RNF180: variants seen among roughly 807,000 people sequenced by gnomAD.
RNF180 encodes ring finger protein 180.
Under a neutral mutation model 59.2 loss-of-function variants are expected in RNF180, and 38 were observed. That is an observed-to-expected ratio of 0.64 (90% CI 0.50 to 0.84). RNF180 has a LOEUF of 0.84. RNF180 is among the 40% of genes least tolerant of loss of function. The probability of loss-of-function intolerance (pLI) is 0.00; values close to 1 mark genes in which losing one functional copy is unlikely to be tolerated. For synonymous variants in RNF180, 262 were observed against 240.3 expected, an observed-to-expected ratio of 1.09 and a Z score of -0.84; for missense variants, 705 against 700.9, an observed-to-expected ratio of 1.01 and a Z score of -0.07.
At chr5:64,298,279 G>T (rs1276320908) in intron 5 of RNF180, among the ~76,000 whole-genome samples, 2 of 151,920 alleles carry the variant, frequency 1.3e-5, no homozygotes, top group Admixed American at 1.3e-4. Context: ...TCAAGTCCAT[G>T]TCTGCTATTA....
At chr5:64,225,196 T>C (rs1195480227) in intron 5 of RNF180, among the ~76,000 whole-genome samples, 2 of 152,236 alleles carry the variant, frequency 1.3e-5, no homozygotes, top group Non-Finnish European at 2.9e-5. Flanking sequence ...GCTAGCTGTG[T>C]TTGATGAATA....
intron 5 of RNF180, among the ~76,000 whole-genome samples, chr5:64,229,480 C>T (rs1391727086): frequency 6.6e-6 from 1 of 152,084 alleles, no homozygotes; most frequent in Non-Finnish European, 1.5e-5. Flanking sequence ...TAACCAAAAA[C>T]GTAAGAGATT....
At chr5:64,217,439 T>A in intron 5 of RNF180, 43 bp downstream of exon 5, 1 of 1,366,418 alleles carries the variant, frequency 7.3e-7, no homozygotes, top group Non-Finnish European at 9.4e-7. Context: ...CAAATTGTTT[T>A]CCAGAATGGC....
chr5:64,331,493 A>G (rs999750134), intron 7 of RNF180, among the ~76,000 whole-genome samples: 2 of 152,106 alleles, frequency 1.3e-5, no homozygotes, highest in East Asian at 1.9e-4. Context: ...CAGTGGGACA[A>G]CCTACCTGAC....
chr5:64,272,363 T>C (rs1056794239), intron 5 of RNF180, among the ~76,000 whole-genome samples: 2 of 151,860 alleles, frequency 1.3e-5, no homozygotes, highest in African/African-American at 4.8e-5. Context: ...AACAGACCAA[T>C]GTGTGCCAAG....
chr5:64,282,976 T>C (rs535075206), intron 5 of RNF180, among the ~76,000 whole-genome samples: 2 of 152,296 alleles, frequency 1.3e-5, no homozygotes, highest in Non-Finnish European at 2.9e-5. Flanking sequence ...TCATGTTCTG[T>C]TGTTTTGGGG....
At chr5:64,174,559 A>T (rs1295938602) in intron 1 of RNF180, among the ~76,000 whole-genome samples, 1 of 152,068 alleles carries the variant, frequency 6.6e-6, no homozygotes, top group Non-Finnish European at 1.5e-5. Context: ...TTTACCAAAC[A>T]GTTAGTGATC....
chr5:64,233,563 A>T (rs1742227166), intron 5 of RNF180, among the ~76,000 whole-genome samples: 1 of 152,226 alleles, frequency 6.6e-6, no homozygotes, highest in African/African-American at 2.4e-5. Context: ...TGTGCAAGCC[A>T]CTGAGAAGAA....
At chr5:64,200,761 T>C (rs1751699978) in intron 1 of RNF180, 47 bp from the exon 2 acceptor site, 3 of 1,551,644 alleles carry the variant, frequency 1.9e-6, no homozygotes, top group South Asian at 2.3e-5. Flanking sequence ...GAAAGTCCAG[T>C]TTATCTGACA....
chr5:64,337,260 C>T (rs1298928169), intron 7 of RNF180, among the ~76,000 whole-genome samples: 4 of 152,040 alleles, frequency 2.6e-5, no homozygotes, highest in African/African-American at 7.2e-5. Flanking sequence ...CCTCCTTCCT[C>T]GGCCTCCCAA....
chr5:64,313,393 A>G (rs1743875352), intron 5 of RNF180, among the ~76,000 whole-genome samples: 1 of 152,032 alleles, frequency 6.6e-6, no homozygotes, highest in African/African-American at 2.4e-5. Context: ...CCATTTTTAA[A>G]TGAGAACATG....
At chr5:64,286,458 A>G (rs1742290244) in intron 5 of RNF180, among the ~76,000 whole-genome samples, 1 of 152,230 alleles carries the variant, frequency 6.6e-6, no homozygotes, top group Non-Finnish European at 1.5e-5. Context: ...ACAATACAGA[A>G]AAGGGGTATA....
intron 7 of RNF180, among the ~76,000 whole-genome samples, chr5:64,360,799 C>T (rs1432933155): frequency 2.0e-5 from 3 of 151,690 alleles, no homozygotes; most frequent in African/African-American, 4.8e-5. Flanking sequence ...TTACTCACAG[C>T]GGTAGCCAGA....
chr5:64,183,148 T>TA (rs1413360606), intron 1 of RNF180, among the ~76,000 whole-genome samples: 1 of 152,110 alleles, frequency 6.6e-6, no homozygotes, highest in Non-Finnish European at 1.5e-5. Context: ...GACTAGAAAA[T>TA]AAGAACATCT....
chr5:64,297,961 G>A (rs960342868), intron 5 of RNF180, among the ~76,000 whole-genome samples: 2 of 151,990 alleles, frequency 1.3e-5, no homozygotes, highest in Non-Finnish European at 2.9e-5. Flanking sequence ...TTAGAAATGT[G>A]TGTCACGGGG....
At chr5:64,312,811 T>G (rs1743839994) in intron 5 of RNF180, among the ~76,000 whole-genome samples, 1 of 152,090 alleles carries the variant, frequency 6.6e-6, no homozygotes, top group Non-Finnish European at 1.5e-5. Context: ...CACAGGAACC[T>G]CAAAAGCTGG....
At chr5:64,255,294 G>A (rs904490320) in intron 5 of RNF180, among the ~76,000 whole-genome samples, 2 of 152,074 alleles carry the variant, frequency 1.3e-5, no homozygotes, top group African/African-American at 4.8e-5. Flanking sequence ...ATGTTAGTGT[G>A]CTGCACCCAT....
intron 5 of RNF180, among the ~76,000 whole-genome samples, chr5:64,225,660 C>T (rs1328124014): frequency 7.4e-6 from 1 of 134,590 alleles, no homozygotes; most frequent in Admixed American, 7.6e-5. Context: ...GTGAGGAGCG[C>T]CTCTGCCCGG....
intron 1 of RNF180, among the ~76,000 whole-genome samples, chr5:64,187,279 C>A (rs1750917546): frequency 1.3e-5 from 2 of 152,140 alleles, no homozygotes; most frequent in Admixed American, 1.3e-4. Context: ...AGTACAATGA[C>A]AAATTCATAC....
Sources: gnomAD v4.1 joint callset for allele counts (sites outside exome capture counted in the v4.1 genomes callset) on GRCh38, gnomAD v4.1.1 for gene constraint, MANE v1.5 for transcripts, NCBI Gene and HGNC (gene_info 2026-07-23, HGNC 2026-07-21) for gene names.